Variants in CNTNAP4 observed in about 807,000 individuals in gnomAD.
The protein encoded by CNTNAP4 is contactin-associated protein-like 4.
In CNTNAP4, 98 loss-of-function variants were observed where a neutral mutation model predicts 148.4. The ratio of observed to expected loss-of-function variants is 0.66; its 90% CI spans 0.56 to 0.78. The LOEUF is 0.78. Among genes scored for constraint, CNTNAP4 ranks in the 30% least tolerant of loss-of-function variants. CNTNAP4 has a pLI of 0.00. For missense variants in CNTNAP4, 1,935 were observed against 1,565.6 expected (o/e 1.24, Z -3.98); for synonymous variants, 730 against 565.1 (o/e 1.29, Z -4.14).
chr16:76,417,643 A>G (rs1342942401), intron 3 of CNTNAP4, among the ~76,000 whole-genome samples: 1 of 151,652 alleles, frequency 6.6e-6, no homozygotes, highest in Non-Finnish European at 1.5e-5. Context: ...TTCATTAACT[A>G]AGAATAAGAA....
chr16:76,315,301 C>T (rs947512720), intron 1 of CNTNAP4, among the ~76,000 whole-genome samples: 1 of 152,128 alleles, frequency 6.6e-6, no homozygotes, highest in Non-Finnish European at 1.5e-5. Context: ...TTATATATCA[C>T]CTTTGGGTAA....
At chr16:76,544,789 G>A (rs746524480) in intron 21 of CNTNAP4, among the ~76,000 whole-genome samples, 69 of 152,214 alleles carry the variant, frequency 4.5e-4, no homozygotes, top group Admixed American at 5.9e-4. Flanking sequence ...TATTAGATAC[G>A]GTGGTCCATA....
rs181889173 is a variant in CNTNAP4, at chr16:76,501,715, A to T, written c.2365+3021A>T. ...CCAAATGTCAGTAGTACTGAGGCTG[A>T]GAAACTAGAGCTTTGAACTACTGTG... is the stretch of plus-strand genomic sequence containing the variant. On this transcript the variant is annotated intron_variant, in intron 15 of 23. Coordinates refer to ENST00000611870, the MANE Select transcript of CNTNAP4 (RefSeq NM_033401.5). Among the ~76,000 whole-genome samples the T allele has an allele frequency of 9.1e-4, 138 of 152,196 alleles. 1 individual carries two copies. The highest frequency in any genetic ancestry group is 4.3e-4 in the Non-Finnish European group (29 of 68,010).
chr16:76,486,690 T>C (rs534433475), intron 12 of CNTNAP4, among the ~76,000 whole-genome samples: 1 of 152,296 alleles, frequency 6.6e-6, no homozygotes, highest in East Asian at 1.9e-4. Flanking sequence ...CTAAGAGTAA[T>C]AAAAACCTAA....
In CNTNAP4 at chr16:76,538,103, T is replaced by C; in HGVS notation, c.2996-13T>C. Reference sequence around the variant, plus strand: ...AAAATTTTTAACAAAAATATATATATATATTATTTCAGAGATTTCTGCATA... The same window carrying C: ...AAAATTTTTAACAAAAATATATATACATATTATTTCAGAGATTTCTGCATA... On this transcript the variant is annotated splice_polypyrimidine_tract_variant and intron_variant, in intron 18 of 23. Transcript: ENST00000611870. The C allele has an allele frequency of 8.4e-7, 1 of 1,185,530 alleles. No homozygotes were observed. Among genetic ancestry groups the C allele is most frequent in the Non-Finnish European group, 1.1e-6 (1 of 882,398 alleles). The allele number at this position is 1,185,530 out of a possible 1,614,324, so 73.4% of individuals were successfully genotyped here.
chr16:76,454,995 C>T (rs2080667750), intron 8 of CNTNAP4, among the ~76,000 whole-genome samples: 1 of 152,144 alleles, frequency 6.6e-6, no homozygotes, highest in African/African-American at 2.4e-5. Flanking sequence ...CTTGAATTAT[C>T]AGACTAAATT....
At chr16:76,328,909 T>G (rs992452534) in intron 2 of CNTNAP4, among the ~76,000 whole-genome samples, 20 of 152,312 alleles carry the variant, frequency 1.3e-4, no homozygotes, top group African/African-American at 4.1e-4. Context: ...CCGCCCAAAG[T>G]GCTGGGCGTG....
Position 76,448,089 on chromosome 16 carries a change from G to T in CNTNAP4, c.616G>T (p.Asp206Tyr). The change falls in exon 5 of 24, where the codon GAC becomes TAC. Residue 206 changes from aspartate to tyrosine, a missense_variant. Physicochemically the swap from Asp to Tyr is radical, Grantham distance 160 (BLOSUM62 -3). Transcript: ENST00000611870. ...FDQKSLSPIK[D>Y]IISLKFKTMQ... Reference sequence around the variant, plus strand: ...TCAAAAATCCCTGAGCCCAATAAAAGACATTATTTCTTTGAAATTCAAAAC... The same window carrying T: ...TCAAAAATCCCTGAGCCCAATAAAATACATTATTTCTTTGAAATTCAAAAC... 1.2e-6 allele frequency: 2 copies of T among 1,613,682 alleles called. No individual in the cohort carries two copies. The highest frequency in any genetic ancestry group is 1.1e-5 in the South Asian group (1 of 91,072).
chr16:76,505,898 T>G (rs1247471133), intron 15 of CNTNAP4, among the ~76,000 whole-genome samples: 1 of 96,394 alleles, frequency 1.0e-5, no homozygotes, highest in African/African-American at 2.6e-5. Flanking sequence ...AGACCTTGTC[T>G]CTTACAAAAC....
At chr16:76,490,148 A>G (rs2082161356) in intron 13 of CNTNAP4, among the ~76,000 whole-genome samples, 1 of 152,258 alleles carries the variant, frequency 6.6e-6, no homozygotes, top group African/African-American at 2.4e-5. Context: ...ATAACTGTAC[A>G]GCAAAGGCCT....
intron 21 of CNTNAP4, among the ~76,000 whole-genome samples, chr16:76,549,851 T>C (rs866517123): frequency 4.6e-5 from 7 of 151,940 alleles, no homozygotes; most frequent in African/African-American, 1.7e-4. Flanking sequence ...ATGTGAAAAA[T>C]TGGCATTCTA....
At chr16:76,545,710 G>C (rs4396562) in intron 21 of CNTNAP4, among the ~76,000 whole-genome samples, 9,879 of 152,160 alleles carry the variant, frequency 0.065, 571 homozygotes, top group East Asian at 0.27. Context: ...AAAGGAGAAA[G>C]GGATTGTTTA....
intron 3 of CNTNAP4, among the ~76,000 whole-genome samples, chr16:76,399,892 C>A (rs1374281722): frequency 6.6e-6 from 1 of 152,094 alleles, no homozygotes; most frequent in East Asian, 1.9e-4. Flanking sequence ...ATTTTAATTG[C>A]TTCATAATAT....
chr16:76,445,365 A>G (rs571425764), intron 4 of CNTNAP4, among the ~76,000 whole-genome samples: 81 of 152,282 alleles, frequency 5.3e-4, no homozygotes, highest in African/African-American at 1.9e-3. Context: ...TGGAAACACC[A>G]TGAGGACAGG....
intron 3 of CNTNAP4, among the ~76,000 whole-genome samples, chr16:76,418,173 G>T (rs909383315): frequency 4.0e-5 from 6 of 151,470 alleles, no homozygotes; most frequent in African/African-American, 1.4e-4. Flanking sequence ...AAAGTTATTG[G>T]CCATTATTAC....
intron 2 of CNTNAP4, among the ~76,000 whole-genome samples, chr16:76,353,365 T>A (rs1436629656): frequency 6.6e-6 from 1 of 152,204 alleles, no homozygotes; most frequent in Non-Finnish European, 1.5e-5. Context: ...GAATTTCAAC[T>A]TACTTATTTT....
At chr16:76,497,697 G>A (rs1463073184) in intron 14 of CNTNAP4, among the ~76,000 whole-genome samples, 3 of 150,540 alleles carry the variant, frequency 2.0e-5, no homozygotes, top group Non-Finnish European at 4.4e-5. Flanking sequence ...CTGTTGGGGA[G>A]TGGGGGGATA....
In CNTNAP4 at chr16:76,355,368, A is replaced by G. The variant is rs1026484587; in HGVS notation, c.247A>G (p.Ile83Val). 7.5e-6 allele frequency: 12 copies of G among 1,604,968 alleles called. No individual in the cohort carries two copies. The highest frequency in any genetic ancestry group is 1.0e-5 in the Non-Finnish European group (12 of 1,175,322). Reference sequence around the variant, plus strand: ...GTCTAACAAATACCAGTGGTTGCAGATTGACCTTGGAGAGAGAATGGAGGT... The same window carrying G: ...GTCTAACAAATACCAGTGGTTGCAGGTTGACCTTGGAGAGAGAATGGAGGT... ...LVSNKYQWLQ[I>V]DLGERMEVTA... The change falls in exon 3 of 24, where the codon ATT becomes GTT. Residue 83 changes from isoleucine to valine, a missense_variant. Physicochemically the swap from Ile to Val is conservative, Grantham distance 29. Coordinates refer to ENST00000611870, the MANE Select transcript of CNTNAP4 (RefSeq NM_033401.5).
chr16:76,315,839 C>G (rs992910410), intron 1 of CNTNAP4, among the ~76,000 whole-genome samples: 13 of 152,036 alleles, frequency 8.6e-5, no homozygotes, highest in African/African-American at 3.1e-4. Context: ...CAGTAATGCA[C>G]CTGCCTCAGC....
Sources: gnomAD v4.1 joint callset for allele counts (sites outside exome capture counted in the v4.1 genomes callset) on GRCh38, gnomAD v4.1.1 for gene constraint, MANE v1.5 for transcripts, NCBI Gene and HGNC (gene_info 2026-07-23, HGNC 2026-07-21) for gene names.